OTX1: variants seen among roughly 807,000 people sequenced by gnomAD.
OTX1 encodes orthodenticle homeobox 1, also known as homeobox protein OTX1.
OTX1 carries 7 observed loss-of-function variants against 26.7 expected under a neutral mutation model. The observed-to-expected ratio is 0.26, with a 90% confidence interval of 0.15 to 0.49. The LOEUF (loss-of-function observed/expected upper bound fraction) is 0.49, where lower values mean the gene tolerates loss of function less well. OTX1 is among the 20% of genes least tolerant of loss of function. OTX1 has a pLI of 0.98. For synonymous variants in OTX1, 216 were observed against 212.8 expected (o/e 1.01, Z -0.13); for missense variants, 414 against 483.8 (o/e 0.86, Z 1.35).
chr2:63,053,798 T>C, intron 3 of OTX1: 2 of 504,066 alleles, frequency 4.0e-6, no homozygotes, highest in Non-Finnish European at 7.1e-6. Context: ...TCTTAACTTT[T>C]TTAACCTCTG....
At position 63,057,057 on chromosome 2, in the gene OTX1, G is replaced by C. The variant is rs2062073756; in HGVS notation, c.*741G>C. The stretch of plus-strand genomic sequence containing the variant: ...TTCCAGGGACCACTTAAACTTTTTA[G>C]TTGCTGTTGGTTGGTTGAACTGAAC... On this transcript the variant is annotated 3_prime_UTR_variant, in exon 5 of 5. Coordinates refer to ENST00000282549, the MANE Select transcript of OTX1 (RefSeq NM_014562.4). 6.6e-6 allele frequency: 1 copy of C among 152,120 alleles called. No individual in the cohort carries two copies. Among genetic ancestry groups the C allele is most frequent in the South Asian group, 2.1e-4 (1 of 4,836 alleles). The allele number at this position is 152,120 out of a possible 1,614,324, so 9.4% of individuals were successfully genotyped here. A position where few individuals can be genotyped will look rare whatever the true frequency, so the allele number is the denominator to read the frequency against.
At position 63,056,344 on chromosome 2, in the gene OTX1, G is replaced by A. The variant is rs1286264751; in HGVS notation, c.*28G>A. On this transcript the variant is annotated 3_prime_UTR_variant, in exon 5 of 5. Transcript: ENST00000282549. ...CCAGGAATGAAAGAGGAGAAGAAACGCAACTACCTGCGCCCTCCGTGGTCC... is the reference window on the plus strand; with the variant it reads ...CCAGGAATGAAAGAGGAGAAGAAACACAACTACCTGCGCCCTCCGTGGTCC... 3.2e-6 allele frequency: 5 copies of A among 1,567,834 alleles called. No homozygotes were observed. In the Admixed American group the frequency reaches 8.7e-5, roughly 27 times the overall value.
At chr2:63,053,315 C>G (rs1167820558) in intron 3 of OTX1, 1 of 440,342 alleles carries the variant, frequency 2.3e-6, no homozygotes, top group Non-Finnish European at 4.0e-6. Flanking sequence ...CCTTCCCGGC[C>G]GGATCACCGG....
chr2:63,056,244 GA>G lies in OTX1; in HGVS notation c.996del (p.Lys332AsnfsTer60). The G allele has an allele frequency of 6.2e-7, 1 of 1,614,042 alleles. No homozygotes were observed. On this transcript the variant is annotated frameshift_variant, in exon 5 of 5. Coordinates refer to ENST00000282549, the MANE Select transcript of OTX1 (RefSeq NM_014562.4). LOFTEE classifies it high-confidence loss of function. The stretch of plus-strand genomic sequence containing the variant: ...GCGCCGCTGCTGCTTCCTCCGCCTG[GA>G]AACTCAACTTCAACTCCCCCGACTG... Reference protein sequence around the residue: ...PGAAAASSAWKLNFNSPDCLD... With the variant: ...PGAAAASSAWXLNFNSPDCLD...
chr2:63,053,252 G>A, intron 3 of OTX1, 165 bp downstream of exon 3: 5 of 520,116 alleles, frequency 9.6e-6, no homozygotes, highest in Non-Finnish European at 1.7e-5. Flanking sequence ...GGCGCATGGG[G>A]CAGAGTCGTG....
At chr2:63,050,661 C>T (rs2062018666), upstream of OTX1, 1 of 38,214 alleles carries the variant, frequency 2.6e-5, no homozygotes, top group Non-Finnish European at 6.1e-5. Context: ...GCGGGGAGGG[C>T]GGGGTGTGGG....
rs1234319044 is a variant in OTX1 at position 63,055,074 on chromosome 2, T to C, written c.250-427T>C. On this transcript the variant is annotated intron_variant, in intron 4 of 4. Coordinates refer to ENST00000282549, the MANE Select transcript of OTX1 (RefSeq NM_014562.4). This position sits in a 1 kb window ranked among gnomAD's most constrained non-coding sequence, Gnocchi z 5.2. ...TAGACTTGGTGACTGTTCCACACTC[T>C]TCGGCTCTGTACCTCTCCACTGTTG... is the stretch of plus-strand genomic sequence containing the variant. Among the ~76,000 whole-genome samples the C allele has an allele frequency of 6.6e-6, 1 of 152,254 alleles. No individual in the cohort carries two copies. The highest frequency in any genetic ancestry group is 1.5e-5 in the Non-Finnish European group (1 of 68,050).
chr2:63,050,631 G>T (rs1286189775), upstream of OTX1: 2 of 148,930 alleles, frequency 1.3e-5, no homozygotes, highest in African/African-American at 2.5e-5. Flanking sequence ...GTTAGCGCGC[G>T]ACCGGGGCGG....
chr2:63,051,864 AG>A (rs1367870276), intron 2 of OTX1: 4 of 152,538 alleles, frequency 2.6e-5, no homozygotes, highest in Admixed American at 2.6e-4. Context: ...GACCCCTGAG[AG>A]TGGCACCCCG....
intron 3 of OTX1, chr2:63,053,536 C>T (rs1453305717): frequency 5.7e-6 from 1 of 176,178 alleles, no homozygotes; most frequent in African/African-American, 2.4e-5. Flanking sequence ...ATTAAATTGT[C>T]CTCTAAATCG....
Position 63,056,255 on chromosome 2 carries a change from T to A in OTX1, c.1004T>A (p.Phe335Tyr), listed in dbSNP as rs1436545946. The change falls in exon 5 of 5, where the codon TTC (phenylalanine) becomes TAC (tyrosine). Residue 335 changes from phenylalanine to tyrosine, a missense_variant. Phe to Tyr is a conservative substitution (Grantham distance 22). This residue lies in a region of OTX1 where 320 missense variants were observed against 347.9 expected (regional missense o/e 0.92). Transcript: ENST00000282549. ...GCTTCCTCCGCCTGGAAACTCAACT[T>A]CAACTCCCCCGACTGTCTGGACTAT... ...AAASSAWKLNFNSPDCLDYKD... is the reference protein window; with the variant it reads ...AAASSAWKLNYNSPDCLDYKD... 4 of 1,613,864 alleles carry A rather than the reference T, an allele frequency of 2.5e-6. No individual in the cohort carries two copies. Among genetic ancestry groups the A allele is most frequent in the Non-Finnish European group, 3.4e-6 (4 of 1,180,012 alleles).
chr2:63,055,490 G>T lies in OTX1; in HGVS notation c.250-11G>T, dbSNP rs1452376926. The T allele has an allele frequency of 6.2e-7, 1 of 1,608,244 alleles. No homozygotes were observed. The highest frequency in any genetic ancestry group is 2.2e-5 in the East Asian group (1 of 44,816). On this transcript the variant is annotated splice_polypyrimidine_tract_variant and intron_variant, in intron 4 of 4. Transcript: ENST00000282549. The surrounding 1 kb of genome is among the most constrained non-coding windows in gnomAD (Gnocchi z 5.2). ...CCTTTGACCCACTCTCCCCCATCCG[G>T]CCCACTGCAGGTCTGGTTCAAGAAC...
At position 63,055,063 on chromosome 2, in the gene OTX1, G is replaced by C. The variant is rs572689478; in HGVS notation, c.250-438G>C. Among the ~76,000 whole-genome samples the C allele has an allele frequency of 3.3e-5, 5 of 152,366 alleles. No homozygotes were observed. Among genetic ancestry groups the C allele is most frequent in the Admixed American group, 3.3e-4 (5 of 15,308 alleles). ...GGCTCAGGCCCTAGACTTGGTGACT[G>C]TTCCACACTCTTCGGCTCTGTACCT... On this transcript the variant is annotated intron_variant, in intron 4 of 4. Coordinates refer to ENST00000282549, the MANE Select transcript of OTX1 (RefSeq NM_014562.4). The surrounding 1 kb of genome is among the most constrained non-coding windows in gnomAD (Gnocchi z 5.2).
chr2:63,052,969 G>T lies in OTX1; in HGVS notation c.-22G>T. ...CCCCGGGCCCCCTGGATCCGTCGGGGCGCCTCCACCCAGCTGTTAGCATGA... is the reference window on the plus strand; with the variant it reads ...CCCCGGGCCCCCTGGATCCGTCGGGTCGCCTCCACCCAGCTGTTAGCATGA... On this transcript the variant is annotated 5_prime_UTR_variant, in exon 3 of 5. Coordinates refer to ENST00000282549, the MANE Select transcript of OTX1 (RefSeq NM_014562.4). 1 of 1,574,758 alleles carries T rather than the reference G, an allele frequency of 6.4e-7. No homozygotes were observed.
Position 63,055,792 on chromosome 2 carries a change from T to C in OTX1, c.541T>C (p.Ser181Pro). The C allele has an allele frequency of 3.7e-6, 6 of 1,612,292 alleles. No individual in the cohort carries two copies. Among genetic ancestry groups the C allele is most frequent in the Non-Finnish European group, 4.2e-6 (5 of 1,179,630 alleles). ...TGCCTCATCTATCTGGAGCCCGGCC[T>C]CCATCTCGCCAGGCTCAGCGCCCGC... ...PAASSIWSPA[S>P]ISPGSAPASV... Residue 181 changes from serine to proline, a missense_variant, in exon 5 of 5, where the codon TCC becomes CCC. Around this residue, in one of 3 missense-constraint regions of OTX1, gnomAD observed 320 missense variants for 347.9 expected, o/e 0.92. Transcript: ENST00000282549. This position sits in a 1 kb window ranked among gnomAD's most constrained non-coding sequence, Gnocchi z 5.2.
In OTX1 at chr2:63,057,430, G is replaced by C. The variant is rs2062076544; in HGVS notation, c.*1114G>C. The C allele has an allele frequency of 6.6e-6, 1 of 152,232 alleles. No homozygotes were observed. Among genetic ancestry groups the C allele is most frequent in the Admixed American group, 6.5e-5 (1 of 15,284 alleles). 9.4% of individuals were successfully genotyped at this position (152,232 alleles called of 1,614,324 possible). A position where few individuals can be genotyped will look rare whatever the true frequency, so the allele number is the denominator to read the frequency against. ...GGGCTGACCCCCTCACCCGGTCTAA[G>C]CACAGGGTCGCAGTTCCAGTTTACA... On this transcript the variant is annotated 3_prime_UTR_variant, in exon 5 of 5. Coordinates refer to ENST00000282549, the MANE Select transcript of OTX1 (RefSeq NM_014562.4).
intron 4 of OTX1, 50 bp downstream of exon 4, chr2:63,054,248 CG>C (rs1372224979): frequency 5.3e-6 from 8 of 1,517,650 alleles, no homozygotes; most frequent in Non-Finnish European, 7.1e-6. Flanking sequence ...TGAGGCTGCT[CG>C]GGGAAGGTCT....
In OTX1 at chr2:63,055,519, C is replaced by T. The variant is rs1384396236; in HGVS notation, c.268C>T (p.Arg90Cys). 6.2e-7 allele frequency: 1 copy of T among 1,613,700 alleles called. No individual in the cohort carries two copies. Among genetic ancestry groups the T allele is most frequent in the Non-Finnish European group, 8.5e-7 (1 of 1,179,790 alleles). ...SRVQVWFKNR[R>C]AKCRQQQQSG... ...ACTGCAGGTCTGGTTCAAGAACCGC[C>T]GCGCCAAATGCCGCCAGCAGCAGCA... The change falls in exon 5 of 5, where the codon CGC becomes TGC. Residue 90 changes from arginine (R) to cysteine (C), a missense_variant. Around this residue, in one of 3 missense-constraint regions of OTX1, gnomAD observed 46 missense variants for 94.3 expected, o/e 0.49. Transcript: ENST00000282549. This position sits in a 1 kb window ranked among gnomAD's most constrained non-coding sequence, Gnocchi z 5.2.
At position 63,057,249 on chromosome 2, in the gene OTX1, AGTT is replaced by A. The variant is rs1278719411; in HGVS notation, c.*938_*940del. ...CAATCAATGGCGCTTTTTCTTTTTC[AGTT>A]GTTGCAAAGCTGCCCTGCCCTCTTC... On this transcript the variant is annotated 3_prime_UTR_variant, in exon 5 of 5. Transcript: ENST00000282549. The A allele has an allele frequency of 6.6e-6, 1 of 151,750 alleles. No individual in the cohort carries two copies. The highest frequency in any genetic ancestry group is 1.5e-5 in the Non-Finnish European group (1 of 67,986). 9.4% of individuals were successfully genotyped at this position (151,750 alleles called of 1,614,324 possible). A position where few individuals can be genotyped will look rare whatever the true frequency, so the allele number is the denominator to read the frequency against.
Sources: gnomAD v4.1 joint callset for allele counts (sites outside exome capture counted in the v4.1 genomes callset) on GRCh38, gnomAD v4.1.1 for gene constraint, gnomAD v4.1.1 regional missense constraint, Gnocchi (gnomAD v3.1) non-coding constraint, MANE v1.5 for transcripts, NCBI Gene and HGNC (gene_info 2026-07-23, HGNC 2026-07-21) for gene names.